PCDH15: variants seen among roughly 807,000 people sequenced by gnomAD.
PCDH15 encodes protocadherin-15.
In PCDH15, 129 loss-of-function variants were observed where a neutral mutation model predicts 178.5. The ratio of observed to expected loss-of-function variants is 0.72; its 90% CI spans 0.63 to 0.84. The LOEUF is 0.84. Among genes scored for constraint, PCDH15 ranks in the 40% least tolerant of loss-of-function variants. The pLI is 0.00. For missense variants in PCDH15, 2,230 were observed against 2,099.9 expected, an observed-to-expected ratio of 1.06 and a Z score of -1.21; for synonymous variants, 800 against 732.0, an observed-to-expected ratio of 1.09 and a Z score of -1.50.
intron 1 of PCDH15, among the ~76,000 whole-genome samples, chr10:54,758,011 G>C (rs1486684486): frequency 6.6e-6 from 1 of 151,886 alleles, no homozygotes; most frequent in Non-Finnish European, 1.5e-5. Context: ...GTAATCAAAG[G>C]ACCACTGACA....
intron 30 of PCDH15, among the ~76,000 whole-genome samples, chr10:53,829,300 A>G (rs1009596463): frequency 3.9e-5 from 6 of 152,214 alleles, no homozygotes; most frequent in African/African-American, 1.2e-4. Context: ...AAGGAGAATT[A>G]AATAATGCGT....
chr10:53,993,280 A>G (rs1454836728), intron 21 of PCDH15, among the ~76,000 whole-genome samples: 1 of 152,184 alleles, frequency 6.6e-6, no homozygotes, highest in Non-Finnish European at 1.5e-5. Flanking sequence ...GTCAATCCTG[A>G]AGAATACAGA....
intron 3 of PCDH15, among the ~76,000 whole-genome samples, chr10:54,884,225 A>G (rs1018093250): frequency 6.6e-6 from 1 of 152,016 alleles, no homozygotes; most frequent in Non-Finnish European, 1.5e-5. Flanking sequence ...CTATAAAATT[A>G]CCTTTGTTAG....
intron 1 of PCDH15, among the ~76,000 whole-genome samples, chr10:54,746,691 T>C (rs530349118): frequency 1.3e-5 from 2 of 152,350 alleles, no homozygotes; most frequent in South Asian, 4.1e-4. Flanking sequence ...CCAGTATATA[T>C]ATTTTTATCC....
intron 27 of PCDH15, among the ~76,000 whole-genome samples, chr10:53,858,512 T>C (rs900374259): frequency 7.9e-5 from 12 of 152,180 alleles, no homozygotes; most frequent in African/African-American, 2.7e-4. Flanking sequence ...CCAGATTTCC[T>C]AGATATTTCA....
chr10:55,567,540 T>C (rs1283713321), intron 2 of PCDH15, among the ~76,000 whole-genome samples: 1 of 151,180 alleles, frequency 6.6e-6, no homozygotes, highest in African/African-American at 2.4e-5. Flanking sequence ...AGAACATATA[T>C]CTAGTAAAGG....
chr10:53,952,742 G>A (rs892087657), intron 23 of PCDH15, among the ~76,000 whole-genome samples: 25 of 152,258 alleles, frequency 1.6e-4, no homozygotes, highest in South Asian at 4.1e-4. Context: ...CTGCAGGCCC[G>A]CTCCAGGCCA....
chr10:55,103,410 CTCCAAGA>C (rs1317345646), intron 2 of PCDH15, among the ~76,000 whole-genome samples: 3 of 152,160 alleles, frequency 2.0e-5, no homozygotes, highest in African/African-American at 7.2e-5. Flanking sequence ...TCTTGAATTT[CTCCAAGA>C]TCCATATTTT....
rs1316564419 is a variant in PCDH15, at chr10:55,508,014, AAACTGGAC to A, written c.-156+119603_-156+119610del. ...TGTAACTTGAGTGATTTTGATAATCAAACTGGACAAATGTTACCCTACTTATTTTAGAA... is the reference window on the plus strand; with the variant it reads ...TGTAACTTGAGTGATTTTGATAATCAAAATGTTACCCTACTTATTTTAGAA... On this transcript the variant is annotated intron_variant, in intron 2 of 5. Coordinates refer to the PCDH15 transcript ENST00000613346. Among the ~76,000 whole-genome samples the A allele has an allele frequency of 3.3e-5, 5 of 151,844 alleles. 1 individual carries two copies. The East Asian group carries it at 9.7e-4, about 30-fold the overall frequency.
chr10:55,420,235 C>A (rs1484007463), intron 2 of PCDH15, among the ~76,000 whole-genome samples: 1 of 151,562 alleles, frequency 6.6e-6, no homozygotes, highest in Non-Finnish European at 1.5e-5. Context: ...CAGACATTTC[C>A]ATTTGTTACA....
chr10:54,241,475 C>G (rs895254988), intron 8 of PCDH15, among the ~76,000 whole-genome samples: 2 of 152,166 alleles, frequency 1.3e-5, no homozygotes, highest in Admixed American at 6.5e-5. Context: ...TTTGTACTTA[C>G]AACCCTCAGC....
chr10:54,977,082 AGAGT>A (rs1407097130), intron 2 of PCDH15, among the ~76,000 whole-genome samples: 1 of 152,214 alleles, frequency 6.6e-6, no homozygotes, highest in Non-Finnish European at 1.5e-5. Flanking sequence ...AACTGCTTTA[AGAGT>A]AAGTTATAAC....
chr10:54,426,202 G>A (rs752123864), intron 3 of PCDH15, among the ~76,000 whole-genome samples: 5 of 152,198 alleles, frequency 3.3e-5, no homozygotes, highest in Admixed American at 1.3e-4. Context: ...AGACATCTTC[G>A]AATTTAATGC....
intron 3 of PCDH15, among the ~76,000 whole-genome samples, chr10:54,813,030 C>A (rs1026230099): frequency 8.5e-5 from 13 of 152,110 alleles, no homozygotes; most frequent in African/African-American, 3.1e-4. Flanking sequence ...CCTTTCTTTG[C>A]CTTTGGCTTT....
At chr10:55,582,619 TATATATATA>T (rs1224148722) in intron 2 of PCDH15, among the ~76,000 whole-genome samples, 32 of 102,786 alleles carry the variant, frequency 3.1e-4, no homozygotes, top group South Asian at 6.4e-4. Context: ...TATATATATA[TATATATATA>T]TTTTTTTTTT....
intron 2 of PCDH15, among the ~76,000 whole-genome samples, chr10:55,399,568 CA>C (rs1177707098): frequency 6.6e-6 from 1 of 151,506 alleles, no homozygotes; most frequent in East Asian, 1.9e-4. Context: ...GTGTGAGAAT[CA>C]GAGCAGCAGG....
chr10:54,779,149 A>G (rs1419036900), intron 1 of PCDH15, among the ~76,000 whole-genome samples: 1 of 151,900 alleles, frequency 6.6e-6, no homozygotes, highest in East Asian at 1.9e-4. Context: ...AGATTCTAGG[A>G]AAGGATAAAT....
intron 18 of PCDH15, among the ~76,000 whole-genome samples, chr10:54,032,284 T>C (rs2093315134): frequency 6.6e-6 from 1 of 152,020 alleles, no homozygotes; most frequent in Non-Finnish European, 1.5e-5. Flanking sequence ...AAATGCCTCA[T>C]CTTCATGCTC....
chr10:54,705,727 A>T (rs2095359107), intron 1 of PCDH15, among the ~76,000 whole-genome samples: 1 of 152,182 alleles, frequency 6.6e-6, no homozygotes, highest in South Asian at 2.1e-4. Context: ...TCTGATTTGA[A>T]GAATATTTAC....
Sources: gnomAD v4.1 joint callset for allele counts (sites outside exome capture counted in the v4.1 genomes callset) on GRCh38, gnomAD v4.1.1 for gene constraint, MANE v1.5 for transcripts, NCBI Gene and HGNC (gene_info 2026-07-23, HGNC 2026-07-21) for gene names.